The following MAP2K6 variants were observed in gnomAD, a reference collection of about 807,000 sequenced individuals.
MAP2K6 encodes dual specificity mitogen-activated protein kinase kinase 6.
MAP2K6 carries 16 observed loss-of-function variants against 53.7 expected under a neutral mutation model. The observed-to-expected ratio is 0.30, with a 90% CI of 0.20 to 0.45. The LOEUF is 0.45. Among genes scored for constraint, MAP2K6 ranks in the 20% least tolerant of loss-of-function variants. MAP2K6 has a pLI of 1.00. For synonymous variants in MAP2K6, 132 were observed against 143.1 expected, an observed-to-expected ratio of 0.92 and a Z score of 0.55; for missense variants, 204 against 411.9, an observed-to-expected ratio of 0.50 and a Z score of 4.37.
chr17:69,476,051 G>T (rs375250392), intron 1 of MAP2K6, among the ~76,000 whole-genome samples: 1 of 152,224 alleles, frequency 6.6e-6, no homozygotes, highest in East Asian at 1.9e-4. Context: ...CCTATGGAGT[G>T]GATTGGAATT....
At chr17:69,442,922 A>T (rs186655457) in intron 1 of MAP2K6, among the ~76,000 whole-genome samples, 2 of 152,316 alleles carry the variant, frequency 1.3e-5, no homozygotes, top group African/African-American at 4.8e-5. Flanking sequence ...GGCATCTAAT[A>T]GAGATTCAAT....
At position 69,502,439 on chromosome 17, in the gene MAP2K6, GC is replaced by G. The variant is rs375861622; in HGVS notation, c.17-3340del. On this transcript the variant is annotated intron_variant, in intron 1 of 11. Coordinates refer to ENST00000590474, the MANE Select transcript of MAP2K6 (RefSeq NM_002758.4). ...GCAAGTAAGCGAACTGCAGAGTGTT[GC>G]TGTGTGTGCTTGTGATTTGTATTTT... The G allele has an allele frequency of 1.2e-4, 120 of 985,450 alleles. No individual in the cohort carries two copies. In the East Asian group the frequency reaches 6.8e-3, roughly 56 times the overall value. The allele number at this position is 985,450 out of a possible 1,614,324, so 61.0% of individuals were successfully genotyped here.
chr17:69,468,701 G>A (rs908617653), intron 1 of MAP2K6, among the ~76,000 whole-genome samples: 8 of 152,136 alleles, frequency 5.3e-5, no homozygotes, highest in Admixed American at 4.6e-4. Context: ...ATACAGTTAT[G>A]GGTTCTTAGT....
In MAP2K6 at chr17:69,545,688, GCA is replaced by G. The variant is rs1911849706; in HGVS notation, c.*3938_*3939del. ...CCCAACAGCTTAATAATAGCAGTTT[GCA>G]CAGTGTCCTGCATATATCACTATAT... On this transcript the variant is annotated 3_prime_UTR_variant, in exon 12 of 12. Coordinates refer to ENST00000590474, the MANE Select transcript of MAP2K6 (RefSeq NM_002758.4). 6.6e-6 allele frequency: 1 copy of G among 152,146 alleles called. No homozygotes were observed. The highest frequency in any genetic ancestry group is 1.5e-5 in the Non-Finnish European group (1 of 68,032). 9.4% of individuals were successfully genotyped at this position (152,146 alleles called of 1,614,324 possible). A position where few individuals can be genotyped will look rare whatever the true frequency, so the allele number is the denominator to read the frequency against.
intron 1 of MAP2K6, among the ~76,000 whole-genome samples, chr17:69,499,977 G>A (rs750658840): frequency 1.3e-5 from 2 of 152,160 alleles, no homozygotes; most frequent in Non-Finnish European, 2.9e-5. Flanking sequence ...ATTGTGTTCA[G>A]GAAGCTCTGG....
At position 69,550,922 on chromosome 17, in the gene MAP2K6, A is replaced by G. The variant is rs1041912535; in HGVS notation, c.*9169A>G. 3 of 152,246 alleles carry G rather than the reference A, an allele frequency of 2.0e-5. No individual in the cohort carries two copies. The highest frequency in any genetic ancestry group is 4.8e-5 in the African/African-American group (2 of 41,466). 9.4% of individuals were successfully genotyped at this position (152,246 alleles called of 1,614,324 possible). On this transcript the variant is annotated 3_prime_UTR_variant, in exon 12 of 12. Transcript: ENST00000590474. The stretch of plus-strand genomic sequence containing the variant: ...GCTGTGAGTCCCTGGCTTTTGCCGT[A>G]CTGAGTATGCTCACAGAGATAGGGA...
intron 2 of MAP2K6, 105 bp downstream of exon 2, chr17:69,505,951 C>A: frequency 1.1e-6 from 1 of 911,008 alleles, no homozygotes; most frequent in Non-Finnish European, 1.7e-6. Context: ...TTAGAAGAGC[C>A]CTTTAAGGGG....
chr17:69,422,133 T>TC (rs1451296648), intron 1 of MAP2K6, among the ~76,000 whole-genome samples: 1 of 143,692 alleles, frequency 7.0e-6, no homozygotes, highest in African/African-American at 2.6e-5. Flanking sequence ...AATTTTTTTT[T>TC]TTTTTTTTTT....
At chr17:69,469,823 CA>C (rs1186454537) in intron 1 of MAP2K6, among the ~76,000 whole-genome samples, 1 of 152,032 alleles carries the variant, frequency 6.6e-6, no homozygotes, top group Non-Finnish European at 1.5e-5. Flanking sequence ...ATGACCTTGA[CA>C]AGAGCTTTTT....
At chr17:69,510,010 T>A (rs1242727156) in intron 2 of MAP2K6, among the ~76,000 whole-genome samples, 1 of 151,364 alleles carries the variant, frequency 6.6e-6, no homozygotes, top group Non-Finnish European at 1.5e-5. Context: ...ACGCGGCTAA[T>A]TTTTTTTTGT....
chr17:69,444,654 G>C (rs957581935), intron 1 of MAP2K6, among the ~76,000 whole-genome samples: 1 of 152,158 alleles, frequency 6.6e-6, no homozygotes, highest in African/African-American at 2.4e-5. Flanking sequence ...CATCACTGGG[G>C]ACTGATTCTG....
At chr17:69,464,672 G>A (rs2440134) in intron 1 of MAP2K6, among the ~76,000 whole-genome samples, 49,487 of 151,954 alleles carry the variant, frequency 0.33, 8,678 homozygotes, top group Non-Finnish European at 0.4. Flanking sequence ...GTTAGCCGCC[G>A]CTACTTATTT....
chr17:69,503,236 C>T (rs1567842965), intron 1 of MAP2K6, among the ~76,000 whole-genome samples: 1 of 152,236 alleles, frequency 6.6e-6, no homozygotes, highest in Non-Finnish European at 1.5e-5. Flanking sequence ...ATCCGTCATT[C>T]ATTCCTCACT....
At chr17:69,538,096 G>A (rs12603427) in intron 11 of MAP2K6, among the ~76,000 whole-genome samples, 2 of 151,856 alleles carry the variant, frequency 1.3e-5, no homozygotes, top group South Asian at 2.1e-4. Context: ...TCTCGAAGTC[G>A]TGGGCTCAAA....
At chr17:69,455,507 C>T (rs1156509310) in intron 1 of MAP2K6, among the ~76,000 whole-genome samples, 2 of 152,170 alleles carry the variant, frequency 1.3e-5, no homozygotes, top group Non-Finnish European at 2.9e-5. Flanking sequence ...GAAATCTTTT[C>T]AGGAGCTCCC....
intron 10 of MAP2K6, among the ~76,000 whole-genome samples, chr17:69,535,842 T>C (rs531438333): frequency 1.2e-4 from 18 of 151,470 alleles, no homozygotes; most frequent in African/African-American, 4.4e-4. Flanking sequence ...TCAGAAAAAT[T>C]AGTGTGCATA....
In MAP2K6 at chr17:69,510,880, T is replaced by C. The variant is rs529772097; in HGVS notation, c.83+5034T>C. Among the ~76,000 whole-genome samples the C allele has an allele frequency of 2.4e-4, 36 of 152,248 alleles. No individual in the cohort carries two copies. In the East Asian group the frequency reaches 5.8e-3, roughly 24 times the overall value. ...AATTTTGCTTGAGGTTTATCAACTT[T>C]ATTGATTTTTTTTCTTCTGAAGAAC... On this transcript the variant is annotated intron_variant, in intron 2 of 11. Coordinates refer to ENST00000590474, the MANE Select transcript of MAP2K6 (RefSeq NM_002758.4).
Position 69,414,746 on chromosome 17 carries a change from T to A in MAP2K6, c.-239T>A, listed in dbSNP as rs991199146. 8.6e-5 allele frequency: 43 copies of A among 502,350 alleles called. No homozygotes were observed. The highest frequency in any genetic ancestry group is 1.5e-4 in the Non-Finnish European group (42 of 279,592). 31.1% of individuals were successfully genotyped at this position (502,350 alleles called of 1,614,324 possible). ...TGCCAGCCCTGGCCCATCATGTAGC[T>A]GCAGCACAGCCTTCCCTAACGTTGC... is the stretch of plus-strand genomic sequence containing the variant. On this transcript the variant is annotated 5_prime_UTR_variant, in exon 1 of 12. Coordinates refer to ENST00000590474, the MANE Select transcript of MAP2K6 (RefSeq NM_002758.4).
chr17:69,541,249 C>T (rs1307009902), intron 11 of MAP2K6, among the ~76,000 whole-genome samples: 7 of 151,600 alleles, frequency 4.6e-5, no homozygotes, highest in East Asian at 1.9e-4. Context: ...GGCAACAGAG[C>T]GAGACTCCAT....
Sources: allele counts gnomAD v4.1 joint callset (sites outside exome capture counted in the v4.1 genomes callset), GRCh38; gene constraint gnomAD v4.1.1; transcripts MANE v1.5; gene names NCBI Gene and HGNC (gene_info 2026-07-23, HGNC 2026-07-21).